The following CFDP1 variants were observed in gnomAD, a reference collection of about 807,000 sequenced individuals.
The protein encoded by CFDP1 is chromatin remodeling protein CFDP1.
CFDP1 carries 31 observed loss-of-function variants against 40.1 expected under a neutral mutation model. That is an observed-to-expected ratio of 0.77 (90% CI 0.58 to 1.04). The LOEUF (loss-of-function observed/expected upper bound fraction) is 1.04, where lower values mean the gene tolerates loss of function less well. Among genes scored for constraint, CFDP1 ranks in the 50% least tolerant of loss-of-function variants. The pLI is 0.00. For missense variants in CFDP1, 423 were observed against 343.4 expected, an observed-to-expected ratio of 1.23 and a Z score of -1.83; for synonymous variants, 167 against 120.0, an observed-to-expected ratio of 1.39 and a Z score of -2.56.
chr16:75,350,262 A>G (rs1175142040), intron 5 of CFDP1, among the ~76,000 whole-genome samples: 1 of 152,176 alleles, frequency 6.6e-6, no homozygotes, highest in Non-Finnish European at 1.5e-5. Flanking sequence ...TATGCACAGA[A>G]TTGTTAGGTT....
chr16:75,412,639 T>C lies in CFDP1; in HGVS notation c.298A>G (p.Ile100Val), dbSNP rs753776525. The change falls in exon 3 of 7, where the codon ATT (isoleucine) becomes GTT (valine). Residue 100 changes from isoleucine to valine, a missense_variant. By Grantham distance (29) the Ile-to-Val change is conservative. Transcript: ENST00000283882. ...TTTTTCCTGGCATCCTCTGATCCAA[T>C]GCCTTTTTCCTGCTCTGCAGCGTCA... is the stretch of plus-strand genomic sequence containing the variant. ...EDDAAEQEKG[I>V]GSEDARKKKE... 27 of 1,614,060 alleles carry C rather than the reference T, an allele frequency of 1.7e-5. No homozygotes were observed. In the Admixed American group the frequency reaches 3.8e-4, roughly 23 times the overall value.
Position 75,411,808 on chromosome 16 carries a change from T to C in CFDP1, c.530+17A>G. On this transcript the variant is annotated intron_variant, in intron 4 of 6. Transcript: ENST00000283882. ...TTTTGAAAATGCTAGTTTCAAAGTTTTTGAAGGTTCTCTTACCTTACTTCT... is the reference window on the plus strand; with the variant it reads ...TTTTGAAAATGCTAGTTTCAAAGTTCTTGAAGGTTCTCTTACCTTACTTCT... 6.2e-7 allele frequency: 1 copy of C among 1,603,834 alleles called. No homozygotes were observed.
intron 5 of CFDP1, among the ~76,000 whole-genome samples, chr16:75,367,168 A>C (rs985356172): frequency 1.3e-5 from 2 of 150,658 alleles, no homozygotes; most frequent in African/African-American, 4.9e-5. Context: ...CCATCTCAAA[A>C]AAAAAAAAAA....
intron 5 of CFDP1, among the ~76,000 whole-genome samples, chr16:75,335,007 A>G (rs1392716610): frequency 6.6e-6 from 1 of 152,152 alleles, no homozygotes; most frequent in African/African-American, 2.4e-5. Flanking sequence ...AAAGCAAAAC[A>G]TCTATTCAGT....
intron 5 of CFDP1, among the ~76,000 whole-genome samples, chr16:75,337,939 C>A (rs2078501045): frequency 6.6e-6 from 1 of 152,198 alleles, no homozygotes; most frequent in South Asian, 2.1e-4. Context: ...CTTCAGTATC[C>A]ACAGATGATC....
At chr16:75,385,411 G>A (rs1440503937) in intron 5 of CFDP1, among the ~76,000 whole-genome samples, 1 of 151,994 alleles carries the variant, frequency 6.6e-6, no homozygotes, top group East Asian at 1.9e-4. Context: ...TGGGACTACA[G>A]GTCATTTTTA....
intron 4 of CFDP1, among the ~76,000 whole-genome samples, chr16:75,397,090 A>ATT (rs893380278): frequency 6.6e-6 from 1 of 151,740 alleles, no homozygotes; most frequent in Non-Finnish European, 1.5e-5. Flanking sequence ...ATTTTTTTGT[A>ATT]TTTTTAGTAG....
chr16:75,398,982 G>A (rs1254541490), intron 4 of CFDP1, among the ~76,000 whole-genome samples: 2 of 151,182 alleles, frequency 1.3e-5, no homozygotes, highest in South Asian at 2.1e-4. Context: ...GTGGGAACCC[G>A]GGAGGTGGAG....
At chr16:75,341,865 G>C (rs1240596700) in intron 5 of CFDP1, among the ~76,000 whole-genome samples, 1 of 152,150 alleles carries the variant, frequency 6.6e-6, no homozygotes, top group African/African-American at 2.4e-5. Context: ...CCATGGAAAA[G>C]TAACTCTAGC....
At chr16:75,301,507 T>TC (rs1278009888) in intron 6 of CFDP1, among the ~76,000 whole-genome samples, 103 of 150,368 alleles carry the variant, frequency 6.8e-4, no homozygotes, top group African/African-American at 2.5e-3. Flanking sequence ...TTAAGTTTCT[T>TC]TTTTCTCAAC....
intron 5 of CFDP1, chr16:75,391,353 G>A (rs2078948816): frequency 6.6e-6 from 1 of 152,194 alleles, no homozygotes; most frequent in Non-Finnish European, 1.5e-5. Context: ...ATAAGTGCAA[G>A]AAACACTAAT....
At position 75,376,842 on chromosome 16, in the gene CFDP1, G is replaced by C. The variant is rs61473960; in HGVS notation, c.650+18248C>G. Among the ~76,000 whole-genome samples, 213 of 152,328 alleles carry C rather than the reference G, an allele frequency of 1.4e-3. 6 individuals are homozygous for C. The East Asian group carries it at 0.038, about 27-fold the overall frequency. On this transcript the variant is annotated intron_variant, in intron 5 of 6. Transcript: ENST00000283882. ...ACCTGAGAGTTACCGCCCCTTCCCA[G>C]AGCAATGACCTGACGATCCAGAAGT...
chr16:75,405,537 C>A (rs374363457), intron 4 of CFDP1, among the ~76,000 whole-genome samples: 1 of 151,922 alleles, frequency 6.6e-6, no homozygotes, highest in African/African-American at 2.4e-5. Flanking sequence ...CATATGAGGT[C>A]AGGAGTTCCA....
At chr16:75,409,447 T>G (rs577200694) in intron 4 of CFDP1, 1 of 152,326 alleles carries the variant, frequency 6.6e-6, no homozygotes, top group African/African-American at 2.4e-5. Context: ...AGAGAGGCAG[T>G]AGGGTATCTG....
At position 75,326,718 on chromosome 16, in the gene CFDP1, G is replaced by A. The variant is rs145482535; in HGVS notation, c.651-21536C>T. ...GAGCCTAAAATCTTCCAAGGAGAGC[G>A]GTAAAATGTGGTCATATATACAGAT... On this transcript the variant is annotated intron_variant, in intron 5 of 6. Transcript: ENST00000283882. 4.4e-3 allele frequency among the ~76,000 whole-genome samples: 675 copies of A among 152,200 alleles called. 5 individuals carry two copies. The highest frequency in any genetic ancestry group is 0.015 in the African/African-American group (635 of 41,516).
intron 4 of CFDP1, among the ~76,000 whole-genome samples, chr16:75,410,704 C>A (rs866351211): frequency 3.3e-5 from 5 of 151,336 alleles, no homozygotes; most frequent in African/African-American, 4.9e-5. Context: ...GTCAGGAGAT[C>A]GAGACCATCC....
intron 5 of CFDP1, chr16:75,305,442 G>A (rs547470115): frequency 7.5e-6 from 3 of 398,702 alleles, no homozygotes; most frequent in African/African-American, 4.0e-5. Context: ...ACCTCTGTGG[G>A]CTCTGTGTGG....
chr16:75,399,284 C>T (rs1429341827), intron 4 of CFDP1, among the ~76,000 whole-genome samples: 2 of 152,152 alleles, frequency 1.3e-5, no homozygotes, highest in Admixed American at 1.3e-4. Flanking sequence ...ACATCCAAAT[C>T]TCAGGCTTAA....
chr16:75,341,795 C>T (rs115826853), intron 5 of CFDP1, among the ~76,000 whole-genome samples: 3,339 of 152,194 alleles, frequency 0.022, 68 homozygotes, highest in African/African-American at 0.053. Flanking sequence ...TTCTAGGACT[C>T]CCTTTCTGTG....
Sources: gnomAD v4.1 joint callset for allele counts (sites outside exome capture counted in the v4.1 genomes callset) on GRCh38, gnomAD v4.1.1 for gene constraint, MANE v1.5 for transcripts, NCBI Gene and HGNC (gene_info 2026-07-23, HGNC 2026-07-21) for gene names.